The following PSPH variants were observed in gnomAD, a reference collection of about 807,000 sequenced individuals.
The protein encoded by PSPH is L-3-phosphoserine phosphatase.
A neutral mutation model predicts 23.4 loss-of-function variants in PSPH; 16 were observed. The ratio of observed to expected loss-of-function variants is 0.68; its 90% confidence interval spans 0.46 to 1.04. The LOEUF (loss-of-function observed/expected upper bound fraction) is 1.04. Among genes scored for constraint, PSPH ranks in the 50% least tolerant of loss-of-function variants. The pLI, the probability that PSPH is intolerant of heterozygous loss-of-function variation, is 0.00. For missense variants in PSPH, 223 were observed against 273.7 expected, an observed-to-expected ratio of 0.81 and a Z score of 1.31; for synonymous variants, 68 against 99.7, an observed-to-expected ratio of 0.68 and a Z score of 1.89.
chr7:56,045,003 T>C (rs1363147895), intron 1 of PSPH, among the ~76,000 whole-genome samples: 1 of 142,650 alleles, frequency 7.0e-6, no homozygotes, highest in Non-Finnish European at 1.5e-5. Flanking sequence ...ACTCGGGAGG[T>C]GGAGATTGCA....
At chr7:56,019,357 T>C (rs779484762) in intron 5 of PSPH, among the ~76,000 whole-genome samples, 1 of 151,792 alleles carries the variant, frequency 6.6e-6, no homozygotes, top group Non-Finnish European at 1.5e-5. Context: ...GAGAATTGCA[T>C]GAACTTGGGA....
chr7:56,026,073 T>C (rs1002972330), intron 3 of PSPH, among the ~76,000 whole-genome samples: 8 of 152,172 alleles, frequency 5.3e-5, no homozygotes, highest in African/African-American at 1.9e-4. Flanking sequence ...ATCACTCCAG[T>C]TGAATTATCT....
intron 1 of PSPH, chr7:56,043,110 T>C (rs2002693): frequency 0.16 from 24,853 of 151,890 alleles, 2,495 homozygotes; most frequent in Admixed American, 0.23. Flanking sequence ...CTACTAAAAA[T>C]ACAAAAATTA....
intron 1 of PSPH, among the ~76,000 whole-genome samples, chr7:56,050,079 A>T (rs1467075006): frequency 6.6e-6 from 1 of 152,116 alleles, no homozygotes; most frequent in African/African-American, 2.4e-5. Flanking sequence ...ATCCGCATGC[A>T]CACCGTGTAA....
intron 1 of PSPH, among the ~76,000 whole-genome samples, chr7:56,038,377 T>TA (rs946894919): frequency 3.3e-5 from 5 of 151,486 alleles, no homozygotes; most frequent in African/African-American, 1.2e-4. Flanking sequence ...GAGAATGGCA[T>TA]GAACCCAAGA....
intron 1 of PSPH, among the ~76,000 whole-genome samples, chr7:56,035,623 A>AT (rs898529735): frequency 1.0e-4 from 15 of 149,892 alleles, no homozygotes; most frequent in Non-Finnish European, 1.5e-4. Context: ...CCAAAACACA[A>AT]TTTTTTTTTC....
At chr7:56,029,985 A>G (rs1277396186) in intron 3 of PSPH, among the ~76,000 whole-genome samples, 1 of 142,542 alleles carries the variant, frequency 7.0e-6, no homozygotes, top group Non-Finnish European at 1.6e-5. Flanking sequence ...TCTCAAAAAA[A>G]AAAAAAGAAA....
chr7:56,025,761 T>A (rs10274148), intron 3 of PSPH, among the ~76,000 whole-genome samples: 2 of 152,138 alleles, frequency 1.3e-5, no homozygotes, highest in Non-Finnish European at 2.9e-5. Flanking sequence ...ATCCAGCTAA[T>A]TTTTGTATTT....
At chr7:56,016,871 C>T (rs1224210956) in intron 6 of PSPH, among the ~76,000 whole-genome samples, 1 of 152,076 alleles carries the variant, frequency 6.6e-6, no homozygotes, top group African/African-American at 2.4e-5. Flanking sequence ...GCCACCGTGC[C>T]CAGCCAAAAG....
intron 3 of PSPH, among the ~76,000 whole-genome samples, chr7:56,027,887 TAAAAAAAAAAAAAA>T (rs11445778): frequency 9.4e-5 from 7 of 74,728 alleles, no homozygotes; most frequent in Non-Finnish European, 1.8e-4. Flanking sequence ...ATTCTTTCTC[TAAAAAAAAAAAAAA>T]AAAAAAAAAA....
At chr7:56,032,483 A>C (rs34664922) in intron 2 of PSPH, among the ~76,000 whole-genome samples, 2,489 of 151,792 alleles carry the variant, frequency 0.016, 48 homozygotes, top group Admixed American at 0.047. Context: ...TGGCGAAACC[A>C]CGTCTCTACC....
intron 3 of PSPH, among the ~76,000 whole-genome samples, chr7:56,022,838 C>T (rs1789656616): frequency 6.6e-6 from 1 of 152,182 alleles, no homozygotes; most frequent in African/African-American, 2.4e-5. Context: ...GCGGGAGCAT[C>T]ACTTGAAGCC....
chr7:56,036,895 C>T (rs191810143), intron 1 of PSPH, among the ~76,000 whole-genome samples: 15 of 151,014 alleles, frequency 9.9e-5, no homozygotes, highest in African/African-American at 2.4e-4. Context: ...TTCATCAGGC[C>T]GGGCACAGTG....
rs890563414 is a variant in PSPH, at chr7:56,018,347, A to C, written c.276-968T>G. On this transcript the variant is annotated intron_variant, in intron 5 of 7. Coordinates refer to ENST00000275605, the MANE Select transcript of PSPH (RefSeq NM_004577.4). ...AACAGTGCGAGACTCTGTCTCAAAA[A>C]ACAACAACAACAAAAAAAAAACAAT... is the stretch of plus-strand genomic sequence containing the variant. Among the ~76,000 whole-genome samples the C allele has an allele frequency of 6.5e-5, 9 of 138,288 alleles. 1 individual carries two copies. Among genetic ancestry groups the C allele is most frequent in the African/African-American group, 2.1e-4 (8 of 38,462 alleles). 90.7% of individuals were successfully genotyped at this position (138,288 alleles called of 152,430 possible).
intron 1 of PSPH, among the ~76,000 whole-genome samples, chr7:56,040,918 G>A (rs1389232454): frequency 6.6e-6 from 1 of 152,070 alleles, no homozygotes. Flanking sequence ...AGCAGAAAGG[G>A]AGTGGAAACC....
At chr7:56,019,461 T>C in intron 5 of PSPH, 139 bp downstream of exon 5, 4 of 1,005,064 alleles carry the variant, frequency 4.0e-6, no homozygotes, top group Non-Finnish European at 5.1e-6. Flanking sequence ...TTTAAAAAAA[T>C]AATTAAAAAA....
At chr7:56,039,352 G>A (rs1792174842) in intron 1 of PSPH, among the ~76,000 whole-genome samples, 1 of 152,052 alleles carries the variant, frequency 6.6e-6, no homozygotes, top group African/African-American at 2.4e-5. Flanking sequence ...TTGAGAAAAG[G>A]TATGTAGTTA....
At chr7:56,029,492 T>TAAAAA (rs59890123) in intron 3 of PSPH, among the ~76,000 whole-genome samples, 3 of 76,860 alleles carry the variant, frequency 3.9e-5, no homozygotes, top group Non-Finnish European at 4.9e-5. Context: ...ACCAACTGAT[T>TAAAAA]AAAAAAAAAA....
chr7:56,012,733 C>T (rs62457261), intron 7 of PSPH, among the ~76,000 whole-genome samples: 2 of 147,900 alleles, frequency 1.4e-5, no homozygotes, highest in African/African-American at 2.5e-5. Flanking sequence ...ACACTAGCCT[C>T]GCCAACATGG....
Sources: allele counts gnomAD v4.1 joint callset (sites outside exome capture counted in the v4.1 genomes callset), GRCh38; gene constraint gnomAD v4.1.1; transcripts MANE v1.5; gene names NCBI Gene and HGNC (gene_info 2026-07-23, HGNC 2026-07-21).